The following TMEM45A variants were observed in gnomAD, a reference collection of about 807,000 sequenced individuals.
TMEM45A encodes the protein transmembrane protein 45A, also known as DNA polymerase-transactivated protein 4.
A neutral mutation model predicts 32.0 loss-of-function variants in TMEM45A; 25 were observed. That is an observed-to-expected ratio of 0.78 (90% CI 0.57 to 1.09). The LOEUF is 1.09. TMEM45A is among the 50% of genes least tolerant of loss of function. The probability of loss-of-function intolerance (pLI) is 0.00; values close to 1 mark genes in which losing one functional copy is unlikely to be tolerated. For synonymous variants in TMEM45A, 122 were observed against 114.8 expected, an observed-to-expected ratio of 1.06 and a Z score of -0.40; for missense variants, 302 against 325.0, an observed-to-expected ratio of 0.93 and a Z score of 0.54.
intron 1 of TMEM45A, among the ~76,000 whole-genome samples, chr3:100,518,187 C>T (rs1384815845): frequency 6.6e-6 from 1 of 152,120 alleles, no homozygotes; most frequent in African/African-American, 2.4e-5. Flanking sequence ...GCTTCTGGGC[C>T]CCACAGATTG....
At chr3:100,542,286 C>A (rs534573567) in intron 1 of TMEM45A, among the ~76,000 whole-genome samples, 1 of 152,068 alleles carries the variant, frequency 6.6e-6, no homozygotes, top group African/African-American at 2.4e-5. Context: ...AATCTATGAA[C>A]GTGGAATGTT....
intron 1 of TMEM45A, among the ~76,000 whole-genome samples, chr3:100,527,522 T>C (rs1336422503): frequency 1.3e-5 from 2 of 152,086 alleles, no homozygotes; most frequent in African/African-American, 4.8e-5. Context: ...TGTGATGAGG[T>C]TGGGAGAAAC....
chr3:100,517,278 G>A (rs768602611), intron 1 of TMEM45A, among the ~76,000 whole-genome samples: 1 of 152,072 alleles, frequency 6.6e-6, no homozygotes, highest in South Asian at 2.1e-4. Context: ...CACCACGCCC[G>A]ATTAATTTTT....
intron 1 of TMEM45A, among the ~76,000 whole-genome samples, chr3:100,514,421 A>G (rs994736193): frequency 3.3e-5 from 5 of 152,172 alleles, no homozygotes; most frequent in African/African-American, 9.7e-5. Flanking sequence ...CTGGCTAGCC[A>G]TATGTAGAAA....
intron 5 of TMEM45A, among the ~76,000 whole-genome samples, 181 bp from the exon 6 acceptor site, chr3:100,576,744 C>T (rs1455200015): frequency 1.3e-5 from 2 of 152,234 alleles, no homozygotes; most frequent in Non-Finnish European, 2.9e-5. Context: ...TTTACTTATA[C>T]CCTGCTTTAA....
At chr3:100,573,013 A>G (rs1706602247) in intron 5 of TMEM45A, 3 of 151,702 alleles carry the variant, frequency 2.0e-5, no homozygotes, top group South Asian at 2.1e-4. Flanking sequence ...GCCTTGTAGT[A>G]TAGTTTGAAG....
At chr3:100,493,795 G>C (rs1228645153) in intron 1 of TMEM45A, among the ~76,000 whole-genome samples, 1 of 152,080 alleles carries the variant, frequency 6.6e-6, no homozygotes, top group Non-Finnish European at 1.5e-5. Context: ...GCAATGGCAC[G>C]ATCTCGGCTT....
intron 4 of TMEM45A, among the ~76,000 whole-genome samples, chr3:100,562,203 T>A (rs1706350610): frequency 6.6e-6 from 1 of 152,102 alleles, no homozygotes; most frequent in African/African-American, 2.4e-5. Flanking sequence ...AGAAAAACTT[T>A]TTTTTTTTGC....
At chr3:100,525,689 G>A (rs1705528922) in intron 1 of TMEM45A, among the ~76,000 whole-genome samples, 1 of 152,158 alleles carries the variant, frequency 6.6e-6, no homozygotes, top group African/African-American at 2.4e-5. Context: ...TCCAGGTAGA[G>A]GAAACAGCCT....
chr3:100,569,149 T>G (rs1282306938), intron 5 of TMEM45A, among the ~76,000 whole-genome samples, 182 bp downstream of exon 5: 1 of 152,124 alleles, frequency 6.6e-6, no homozygotes, highest in Non-Finnish European at 1.5e-5. Context: ...TAAATGCTGG[T>G]TTAAAGTTAG....
intron 1 of TMEM45A, among the ~76,000 whole-genome samples, chr3:100,500,667 G>A (rs538856308): frequency 7.2e-5 from 11 of 152,238 alleles, no homozygotes; most frequent in African/African-American, 2.4e-4. Context: ...AGCAGCCTGG[G>A]CCCCTCTGGT....
At chr3:100,505,570 A>G (rs139862679) in intron 1 of TMEM45A, among the ~76,000 whole-genome samples, 2 of 152,302 alleles carry the variant, frequency 1.3e-5, no homozygotes, top group East Asian at 1.9e-4. Context: ...TGGTCCAAGG[A>G]CCTTACTTTG....
intron 1 of TMEM45A, among the ~76,000 whole-genome samples, chr3:100,529,460 G>A (rs1371992143): frequency 6.6e-6 from 1 of 152,132 alleles, no homozygotes; most frequent in East Asian, 1.9e-4. Flanking sequence ...ATGCTGCAGC[G>A]AGGGGATGTG....
intron 1 of TMEM45A, among the ~76,000 whole-genome samples, chr3:100,508,970 G>C (rs552857816): frequency 1.3e-5 from 2 of 152,112 alleles, no homozygotes; most frequent in East Asian, 3.8e-4. Flanking sequence ...AGACAAGTGG[G>C]GTTATATTAA....
intron 1 of TMEM45A, among the ~76,000 whole-genome samples, chr3:100,508,223 A>G (rs998283826): frequency 1.3e-5 from 2 of 152,072 alleles, no homozygotes; most frequent in Non-Finnish European, 2.9e-5. Flanking sequence ...CCTGGAGCCC[A>G]CACGATGGCA....
rs1707864096 is a variant in TMEM45A, at chr3:100,492,755, T to TTCCC, written c.-177_-176insTCCC. The TTCCC allele has an allele frequency of 2.8e-5, 4 of 143,518 alleles. No individual in the cohort carries two copies. Among genetic ancestry groups the TTCCC allele is most frequent in the Admixed American group, 6.8e-5 (1 of 14,748 alleles). The allele number at this position is 143,518 out of a possible 1,614,324, so 8.9% of individuals were successfully genotyped here. A position where few individuals can be genotyped will look rare whatever the true frequency, so the allele number is the denominator to read the frequency against. ...CGACTAGGGACCCAAGTTTAAAAAT[T>TTCCC]CCTCCCCCCACCCAATGCGAGACGT... On this transcript the variant is annotated 5_prime_UTR_variant, in exon 1 of 6. Transcript: ENST00000323523.
At chr3:100,559,918 C>T (rs982204345) in intron 4 of TMEM45A, among the ~76,000 whole-genome samples, 1 of 151,814 alleles carries the variant, frequency 6.6e-6, no homozygotes, top group Admixed American at 6.6e-5. Flanking sequence ...AAAAACAGGC[C>T]AAAGAAACTT....
chr3:100,540,576 A>T (rs1203529899), intron 1 of TMEM45A, among the ~76,000 whole-genome samples: 1 of 152,234 alleles, frequency 6.6e-6, no homozygotes, highest in Non-Finnish European at 1.5e-5. Flanking sequence ...AAGAACTCTC[A>T]TTCATTGCTA....
intron 5 of TMEM45A, chr3:100,570,855 C>A (rs1198877533): frequency 1.3e-5 from 2 of 152,238 alleles, no homozygotes; most frequent in East Asian, 3.8e-4. Flanking sequence ...ATATCCTAAT[C>A]TTTGTGACCA....
Sources: gnomAD v4.1 joint callset for allele counts (sites outside exome capture counted in the v4.1 genomes callset) on GRCh38, gnomAD v4.1.1 for gene constraint, MANE v1.5 for transcripts, NCBI Gene and HGNC (gene_info 2026-07-23, HGNC 2026-07-21) for gene names.